LUZP2: variants seen among roughly 807,000 people sequenced by gnomAD.
The protein encoded by LUZP2 is leucine zipper protein 2.
LUZP2 carries 52 observed loss-of-function variants against 51.6 expected under a neutral mutation model. The ratio of observed to expected loss-of-function variants is 1.01; its 90% CI spans 0.81 to 1.27. The LOEUF (loss-of-function observed/expected upper bound fraction) is 1.27, where lower values mean the gene tolerates loss of function less well. Among genes scored for constraint, LUZP2 ranks in the 50% most tolerant of loss-of-function variants. The pLI, the probability that LUZP2 is intolerant of heterozygous loss-of-function variation, is 0.00. For synonymous variants in LUZP2, 154 were observed against 137.3 expected (o/e 1.12, Z -0.85); for missense variants, 436 against 395.4 (o/e 1.10, Z -0.87).
chr11:24,581,369 G>T (rs1852848269), intron 1 of LUZP2, among the ~76,000 whole-genome samples: 1 of 151,964 alleles, frequency 6.6e-6, no homozygotes, highest in Admixed American at 6.6e-5. Flanking sequence ...AACATCAATG[G>T]GAATATGCAA....
intron 1 of LUZP2, among the ~76,000 whole-genome samples, chr11:24,675,666 A>G (rs1856518719): frequency 1.3e-5 from 2 of 152,136 alleles, no homozygotes; most frequent in South Asian, 2.1e-4. Flanking sequence ...AGTGGTAACA[A>G]TAAGAAAAAA....
chr11:24,673,413 A>C (rs549757701), intron 1 of LUZP2, among the ~76,000 whole-genome samples: 5 of 152,266 alleles, frequency 3.3e-5, no homozygotes, highest in African/African-American at 9.6e-5. Context: ...CACCAGCTTT[A>C]GTCCTTACAT....
At chr11:24,631,422 T>C (rs575249438) in intron 1 of LUZP2, among the ~76,000 whole-genome samples, 3 of 151,678 alleles carry the variant, frequency 2.0e-5, no homozygotes, top group East Asian at 3.9e-4. Flanking sequence ...TCTTTTCATA[T>C]CATGAGGTGG....
At chr11:25,050,966 G>A (rs1858492209) in intron 10 of LUZP2, among the ~76,000 whole-genome samples, 1 of 152,122 alleles carries the variant, frequency 6.6e-6, no homozygotes, top group African/African-American at 2.4e-5. Context: ...TGGCAAAATT[G>A]AGCTAATGGA....
chr11:24,616,008 G>C (rs1035795518), intron 1 of LUZP2, among the ~76,000 whole-genome samples: 1 of 150,526 alleles, frequency 6.6e-6, no homozygotes, highest in African/African-American at 2.4e-5. Flanking sequence ...TTCCTAGTTT[G>C]GTTGCCTTTT....
intron 9 of LUZP2, among the ~76,000 whole-genome samples, chr11:25,049,188 C>T (rs1446185): frequency 0.38 from 57,781 of 151,848 alleles, 13,348 homozygotes; most frequent in East Asian, 0.77. Flanking sequence ...TGGATAGAAA[C>T]CTAATTTCTT....
In LUZP2 at chr11:24,599,379, C is replaced by T. The variant is rs373087088; in HGVS notation, c.62+102074C>T. ...CACTGCCCCGAGATCATCTGACCAT[C>T]GTTCTTGCAAGTTTACTCTCCACTC... On this transcript the variant is annotated intron_variant, in intron 1 of 11. Transcript: ENST00000336930. Among the ~76,000 whole-genome samples the T allele has an allele frequency of 3.9e-5, 6 of 152,118 alleles. No homozygotes were observed. In the South Asian group the frequency reaches 6.2e-4, roughly 16 times the overall value.
At chr11:24,806,531 A>G (rs1849860938) in intron 5 of LUZP2, among the ~76,000 whole-genome samples, 1 of 152,172 alleles carries the variant, frequency 6.6e-6, no homozygotes, top group South Asian at 2.1e-4. Context: ...TTTACAAGGG[A>G]GGAGCATTAA....
intron 3 of LUZP2, among the ~76,000 whole-genome samples, chr11:24,737,745 G>T (rs912590655): frequency 6.6e-6 from 1 of 152,026 alleles, no homozygotes; most frequent in Non-Finnish European, 1.5e-5. Flanking sequence ...TTTTACAAAA[G>T]ATGTCAGGCC....
At chr11:24,777,431 T>C (rs1444004395) in intron 5 of LUZP2, among the ~76,000 whole-genome samples, 1 of 152,160 alleles carries the variant, frequency 6.6e-6, no homozygotes, top group African/African-American at 2.4e-5. Context: ...AATGCTGCTT[T>C]CATGATGGAC....
intron 1 of LUZP2, among the ~76,000 whole-genome samples, chr11:24,661,791 T>A (rs1362803715): frequency 6.6e-6 from 1 of 152,172 alleles, no homozygotes; most frequent in Admixed American, 6.6e-5. Context: ...AGAGGGCATT[T>A]GCAGATTCAT....
In LUZP2 at chr11:24,630,575, T is replaced by C. The variant is rs369485387; in HGVS notation, c.63-98594T>C. On this transcript the variant is annotated intron_variant, in intron 1 of 11. Transcript: ENST00000336930. ...GTCTACATTAATGCCAGTATCATAC[T>C]GTTTAGGTTACTATAGCCTTGTAAC... Among the ~76,000 whole-genome samples, 8 of 152,060 alleles carry C rather than the reference T, an allele frequency of 5.3e-5. No homozygotes were observed. In the East Asian group the frequency reaches 1.3e-3, roughly 26 times the overall value.
intron 1 of LUZP2, among the ~76,000 whole-genome samples, chr11:24,728,957 A>G (rs1460126222): frequency 6.6e-6 from 1 of 151,988 alleles, no homozygotes; most frequent in African/African-American, 2.4e-5. Flanking sequence ...AGATATCTGG[A>G]GTATAGCTAG....
intron 7 of LUZP2, among the ~76,000 whole-genome samples, chr11:24,942,499 T>A (rs981099395): frequency 6.6e-6 from 1 of 152,208 alleles, no homozygotes; most frequent in Non-Finnish European, 1.5e-5. Flanking sequence ...TTGTATATCC[T>A]CTTTGTTGAA....
At chr11:25,003,282 C>T (rs1225514799) in intron 9 of LUZP2, among the ~76,000 whole-genome samples, 1 of 152,200 alleles carries the variant, frequency 6.6e-6, no homozygotes, top group African/African-American at 2.4e-5. Context: ...AGGGCTATCC[C>T]TAAACCCTTG....
rs146757485 is a variant in LUZP2, at chr11:24,527,909, G to C, written c.62+30604G>C. The stretch of plus-strand genomic sequence containing the variant: ...GCTGAATAGAGTGTGATTTATAATT[G>C]GTAGTGCTAAAGCATTTGGTTTTGT... On this transcript the variant is annotated intron_variant, in intron 1 of 11. Transcript: ENST00000336930. Among the ~76,000 whole-genome samples, 129 of 151,286 alleles carry C rather than the reference G, an allele frequency of 8.5e-4. 1 individual carries two copies. In the South Asian group the frequency reaches 0.021, roughly 25 times the overall value.
chr11:24,702,309 A>T (rs985582464), intron 1 of LUZP2, among the ~76,000 whole-genome samples: 1 of 152,250 alleles, frequency 6.6e-6, no homozygotes, highest in African/African-American at 2.4e-5. Context: ...AGAATTGTGT[A>T]CAAAGTGAAA....
At chr11:24,926,585 A>ATG (rs1426100000) in intron 7 of LUZP2, among the ~76,000 whole-genome samples, 7 of 145,726 alleles carry the variant, frequency 4.8e-5, no homozygotes, top group Non-Finnish European at 1.1e-4. Flanking sequence ...GTGTATATAT[A>ATG]TGTGTGTATA....
chr11:24,972,139 GAAAAAAAAA>G (rs10701148), intron 7 of LUZP2, among the ~76,000 whole-genome samples: 1 of 32,794 alleles, frequency 3.0e-5, no homozygotes, highest in Non-Finnish European at 5.0e-5. Flanking sequence ...GTGAGACTCC[GAAAAAAAAA>G]AAAAAAAAAA....
Sources: gnomAD v4.1 joint callset for allele counts (sites outside exome capture counted in the v4.1 genomes callset) on GRCh38, gnomAD v4.1.1 for gene constraint, MANE v1.5 for transcripts, NCBI Gene and HGNC (gene_info 2026-07-23, HGNC 2026-07-21) for gene names.